The following PCDH15 variants were observed in gnomAD, a reference collection of about 807,000 sequenced individuals.
PCDH15 encodes protocadherin related 15.
A neutral mutation model predicts 178.5 loss-of-function variants in PCDH15; 129 were observed. The ratio of observed to expected loss-of-function variants is 0.72; its 90% CI spans 0.63 to 0.84. PCDH15 has a LOEUF of 0.84. Ranked by LOEUF, PCDH15 falls within the 40% of genes least tolerant of loss-of-function variation. The probability of loss-of-function intolerance (pLI) is 0.00; values close to 1 mark genes in which losing one functional copy is unlikely to be tolerated. For missense variants in PCDH15, 2,230 were observed against 2,099.9 expected (o/e 1.06, Z -1.21); for synonymous variants, 800 against 732.0 (o/e 1.09, Z -1.50).
At chr10:54,682,752 T>TA (rs2094922661) in intron 1 of PCDH15, among the ~76,000 whole-genome samples, 1 of 152,142 alleles carries the variant, frequency 6.6e-6, no homozygotes. Context: ...TGTGTGTGCA[T>TA]AGTGATGTCA....
At chr10:54,057,439 C>T (rs921350782) in intron 18 of PCDH15, among the ~76,000 whole-genome samples, 8 of 152,214 alleles carry the variant, frequency 5.3e-5, no homozygotes, top group South Asian at 2.1e-4. Context: ...ATGTGGAAGC[C>T]GCCAAGACTT....
chr10:55,618,640 T>C (rs1412556309), intron 2 of PCDH15, among the ~76,000 whole-genome samples: 1 of 152,056 alleles, frequency 6.6e-6, no homozygotes, highest in Admixed American at 6.6e-5. Context: ...ACCTGAATTA[T>C]CTCATTAAAG....
intron 2 of PCDH15, among the ~76,000 whole-genome samples, chr10:55,020,827 C>G (rs1264260770): frequency 2.0e-5 from 3 of 152,142 alleles, no homozygotes; most frequent in Non-Finnish European, 4.4e-5. Context: ...GATGCCTTAT[C>G]TTCACAGGTG....
At chr10:54,954,301 C>T (rs536166426) in intron 2 of PCDH15, among the ~76,000 whole-genome samples, 66 of 151,338 alleles carry the variant, frequency 4.4e-4, no homozygotes, top group East Asian at 7.7e-4. Context: ...GAAAACACAT[C>T]CTTTCCTTCT....
chr10:55,433,468 T>A (rs899360652), intron 2 of PCDH15, among the ~76,000 whole-genome samples: 5 of 152,138 alleles, frequency 3.3e-5, no homozygotes, highest in African/African-American at 4.8e-5. Flanking sequence ...ACCTATTGGG[T>A]ACTATGCTTA....
At chr10:54,588,384 A>G (rs1423357405) in intron 2 of PCDH15, among the ~76,000 whole-genome samples, 4 of 152,168 alleles carry the variant, frequency 2.6e-5, no homozygotes, top group African/African-American at 4.8e-5. Context: ...GTAAAACTAC[A>G]TTTTTCACTT....
intron 1 of PCDH15, among the ~76,000 whole-genome samples, chr10:54,702,626 C>T (rs966706071): frequency 2.7e-5 from 4 of 149,710 alleles, no homozygotes; most frequent in African/African-American, 4.9e-5. Flanking sequence ...TGATAAATTC[C>T]TGGAAATACA....
chr10:53,895,343 A>C (rs1028780984), intron 26 of PCDH15, among the ~76,000 whole-genome samples: 7 of 152,196 alleles, frequency 4.6e-5, no homozygotes, highest in Admixed American at 3.9e-4. Flanking sequence ...TTGAAAATGT[A>C]ATAAACAATC....
intron 3 of PCDH15, among the ~76,000 whole-genome samples, chr10:54,442,088 G>A (rs1377963322): frequency 6.6e-6 from 1 of 151,478 alleles, no homozygotes; most frequent in Non-Finnish European, 1.5e-5. Context: ...GTTGCCATAA[G>A]ATGGAATATT....
chr10:54,205,481 TTGTGTGTGTGTGTG>T (rs71461223), intron 10 of PCDH15, among the ~76,000 whole-genome samples: 7 of 135,174 alleles, frequency 5.2e-5, no homozygotes, highest in East Asian at 2.1e-4. Flanking sequence ...TATATTTCCT[TTGTGTGTGTGTGTG>T]TGTGTGTGTG....
At chr10:55,584,409 A>T (rs764974545) in intron 2 of PCDH15, among the ~76,000 whole-genome samples, 13 of 151,834 alleles carry the variant, frequency 8.6e-5, no homozygotes, top group Non-Finnish European at 1.8e-4. Flanking sequence ...CTGTAATCCC[A>T]GCACGTTGAG....
At chr10:55,605,359 C>G (rs972044596) in intron 2 of PCDH15, among the ~76,000 whole-genome samples, 1 of 151,722 alleles carries the variant, frequency 6.6e-6, no homozygotes, top group Non-Finnish European at 1.5e-5. Flanking sequence ...CTATTCCAAT[C>G]AATAGAAAAA....
chr10:54,048,692 A>G (rs540088147), intron 18 of PCDH15, among the ~76,000 whole-genome samples: 1 of 152,144 alleles, frequency 6.6e-6, no homozygotes, highest in Non-Finnish European at 1.5e-5. Context: ...TTTATAATCA[A>G]ATGGTTTAAT....
chr10:54,714,790 C>T (rs2095460985), intron 1 of PCDH15, among the ~76,000 whole-genome samples: 2 of 152,116 alleles, frequency 1.3e-5, no homozygotes, highest in East Asian at 1.9e-4. Context: ...AAACTATAAC[C>T]TTTTGAGGTC....
chr10:54,607,872 G>C (rs201469172), intron 2 of PCDH15: 1 of 529,014 alleles, frequency 1.9e-6, no homozygotes, highest in Non-Finnish European at 3.9e-6. Flanking sequence ...CTGCTAATCA[G>C]GCTATTAGGT....
At chr10:53,993,826 T>C (rs982031810) in intron 21 of PCDH15, among the ~76,000 whole-genome samples, 5 of 152,204 alleles carry the variant, frequency 3.3e-5, no homozygotes, top group Admixed American at 3.3e-4. Context: ...CAAAAGATTG[T>C]TGGTGTTTCC....
intron 2 of PCDH15, among the ~76,000 whole-genome samples, chr10:55,602,900 T>C (rs1197914732): frequency 4.6e-5 from 7 of 152,114 alleles, no homozygotes; most frequent in African/African-American, 1.2e-4. Context: ...ATGACTTTGA[T>C]GAGCTGAGAG....
chr10:55,010,205 G>C (rs1176144222), intron 2 of PCDH15, among the ~76,000 whole-genome samples: 1 of 151,986 alleles, frequency 6.6e-6, no homozygotes, highest in African/African-American at 2.4e-5. Context: ...ACTAAAAAAG[G>C]AAGAAATAAT....
intron 2 of PCDH15, among the ~76,000 whole-genome samples, chr10:55,159,834 T>C (rs1383689729): frequency 1.3e-5 from 2 of 149,696 alleles, no homozygotes; most frequent in South Asian, 2.1e-4. Flanking sequence ...TACATCTTTG[T>C]TTATCCTTTT....
Sources: gnomAD v4.1 joint callset for allele counts (sites outside exome capture counted in the v4.1 genomes callset) on GRCh38, gnomAD v4.1.1 for gene constraint, MANE v1.5 for transcripts, NCBI Gene and HGNC (gene_info 2026-07-23, HGNC 2026-07-21) for gene names.